The following YTHDF3 variants were observed in gnomAD, a reference collection of about 807,000 sequenced individuals.
The protein encoded by YTHDF3 is YTH domain-containing family protein 3.
In YTHDF3, 9 loss-of-function variants were observed where a neutral mutation model predicts 52.5. The observed-to-expected ratio is 0.17, with a 90% CI of 0.10 to 0.30. The LOEUF is 0.30. YTHDF3 is among the 10% of genes least tolerant of loss of function. The probability of loss-of-function intolerance (pLI) is 1.00; values close to 1 mark genes in which losing one functional copy is unlikely to be tolerated. For missense variants in YTHDF3, 534 were observed against 715.0 expected (o/e 0.75, Z 2.89); for synonymous variants, 274 against 243.3 (o/e 1.13, Z -1.18).
At position 63,168,675 on chromosome 8, in the gene YTHDF3, G is replaced by A; in HGVS notation, c.-203G>A. ...ACCCGAGAAGCAGAGAGCGAGAGGG[G>A]GAAGAGGAGCGTGCAAGCGGAAAAG... is the stretch of plus-strand genomic sequence containing the variant. On this transcript the variant is annotated 5_prime_UTR_variant, in exon 1 of 5. Coordinates refer to ENST00000539294, the MANE Select transcript of YTHDF3 (RefSeq NM_152758.6). The A allele has an allele frequency of 2.2e-6, 2 of 917,080 alleles. No homozygotes were observed. The highest frequency in any genetic ancestry group is 3.3e-6 in the Non-Finnish European group (2 of 604,416). 56.8% of individuals were successfully genotyped at this position (917,080 alleles called of 1,614,324 possible).
chr8:63,195,867 C>T (rs954279551), intron 4 of YTHDF3, among the ~76,000 whole-genome samples: 9 of 151,790 alleles, frequency 5.9e-5, no homozygotes, highest in Non-Finnish European at 1.2e-4. Context: ...GTGGTGTGAT[C>T]ATAAGTTCAC....
intron 1 of YTHDF3, 103 bp from the exon 2 acceptor site, chr8:63,169,284 G>A (rs998295478): frequency 2.8e-6 from 4 of 1,451,600 alleles, no homozygotes; most frequent in Non-Finnish European, 2.8e-6. Flanking sequence ...ACTCCTACGC[G>A]GATAGTCTAA....
chr8:63,204,274 A>G (rs1809837165), intron 4 of YTHDF3, among the ~76,000 whole-genome samples: 1 of 151,950 alleles, frequency 6.6e-6, no homozygotes, highest in Non-Finnish European at 1.5e-5. Context: ...CAAATGAGGC[A>G]GCGACCATTT....
chr8:63,189,756 C>G (rs950259344), intron 4 of YTHDF3, among the ~76,000 whole-genome samples: 1 of 152,156 alleles, frequency 6.6e-6, no homozygotes. Flanking sequence ...GATAAAGGAA[C>G]TTGCAGTGTA....
chr8:63,172,035 T>G (rs1807362524), intron 2 of YTHDF3, among the ~76,000 whole-genome samples: 1 of 152,222 alleles, frequency 6.6e-6, no homozygotes, highest in Admixed American at 6.5e-5. Context: ...GAATAAGTAA[T>G]AATTCAAGGT....
intron 2 of YTHDF3, among the ~76,000 whole-genome samples, chr8:63,173,065 T>G (rs1218837992): frequency 6.6e-6 from 1 of 151,958 alleles, no homozygotes; most frequent in Non-Finnish European, 1.5e-5. Context: ...TACTATATTT[T>G]AAGACTTTAT....
chr8:63,192,045 T>A (rs530086790), intron 4 of YTHDF3, among the ~76,000 whole-genome samples: 1 of 152,324 alleles, frequency 6.6e-6, no homozygotes, highest in South Asian at 2.1e-4. Context: ...GCTCTATGAA[T>A]TTTAACATAT....
rs1810353420 is a variant in YTHDF3, at chr8:63,211,209, C to T, written c.*1503C>T. Reference sequence around the variant, plus strand: ...TTGTACAATGTTTTTTTTAAATGTGCAAATACTGTATTCAAGTGAAAAAAA... The same window carrying T: ...TTGTACAATGTTTTTTTTAAATGTGTAAATACTGTATTCAAGTGAAAAAAA... On this transcript the variant is annotated 3_prime_UTR_variant, in exon 5 of 5. Coordinates refer to ENST00000539294, the MANE Select transcript of YTHDF3 (RefSeq NM_152758.6). 1 of 152,164 alleles carries T rather than the reference C, an allele frequency of 6.6e-6. No homozygotes were observed. The highest frequency in any genetic ancestry group is 2.4e-5 in the African/African-American group (1 of 41,316). The allele number at this position is 152,164 out of a possible 1,614,324, so 9.4% of individuals were successfully genotyped here.
At chr8:63,178,756 A>C (rs948455670) in intron 3 of YTHDF3, among the ~76,000 whole-genome samples, 1 of 152,224 alleles carries the variant, frequency 6.6e-6, no homozygotes, top group Non-Finnish European at 1.5e-5. Flanking sequence ...ATTATCTGGA[A>C]TCTTAAAGGT....
intron 4 of YTHDF3, among the ~76,000 whole-genome samples, chr8:63,208,180 G>A (rs1233751161): frequency 1.3e-5 from 2 of 152,054 alleles, no homozygotes; most frequent in Non-Finnish European, 2.9e-5. Flanking sequence ...TTCATTTATA[G>A]TTATGTAGTA....
In YTHDF3 at chr8:63,209,669, T is replaced by G. The variant is rs190487072; in HGVS notation, c.1735-14T>G. 3.6e-3 allele frequency: 5,456 copies of G among 1,519,978 alleles called. 13 individuals are homozygous for G. The highest frequency in any genetic ancestry group is 7.9e-3 in the Admixed American group (400 of 50,546). The allele number at this position is 1,519,978 out of a possible 1,614,324, so 94.2% of individuals were successfully genotyped here. A position where few individuals can be genotyped will look rare whatever the true frequency, so the allele number is the denominator to read the frequency against. On this transcript the variant is annotated splice_polypyrimidine_tract_variant and intron_variant, in intron 4 of 4. Transcript: ENST00000539294. ...TGTAATTCTTTTTGTGTGTGTGTGT[T>G]TTTTTTTTTTCAGGAGAGAAATAGA...
Position 63,186,851 on chromosome 8 carries a change from T to G in YTHDF3, c.840T>G (p.Asp280Glu), listed in dbSNP as rs973902131. ...IKHNMNIGTW[D>E]EKGSVVKAPP... ...ACAACATGAATATTGGAACTTGGGA[T>G]GAAAAAGGGTCAGTGGTAAAGGCTC... Residue 280 changes from aspartate (D) to glutamate (E), a missense_variant, in exon 4 of 5, where the codon GAT (aspartate) becomes GAG (glutamate). Coordinates refer to ENST00000539294, the MANE Select transcript of YTHDF3 (RefSeq NM_152758.6). The G allele has an allele frequency of 3.7e-6, 6 of 1,613,892 alleles. No individual in the cohort carries two copies. Among genetic ancestry groups the G allele is most frequent in the Non-Finnish European group, 5.1e-6 (6 of 1,179,876 alleles).
chr8:63,191,883 A>G (rs186007844), intron 4 of YTHDF3, among the ~76,000 whole-genome samples: 82 of 152,200 alleles, frequency 5.4e-4, no homozygotes, highest in African/African-American at 1.8e-3. Flanking sequence ...ATGGATGACC[A>G]TTGTGTCTAT....
At chr8:63,200,826 G>A (rs1809583558) in intron 4 of YTHDF3, among the ~76,000 whole-genome samples, 1 of 152,084 alleles carries the variant, frequency 6.6e-6, no homozygotes, top group African/African-American at 2.4e-5. Context: ...TTTAAGATGG[G>A]CCTTGAATGA....
At position 63,169,376 on chromosome 8, in the gene YTHDF3, T is replaced by G; in HGVS notation, c.25-11T>G. On this transcript the variant is annotated splice_polypyrimidine_tract_variant and intron_variant, in intron 1 of 4. Transcript: ENST00000539294. Reference sequence around the variant, plus strand: ...TCTCCTCTTTACCGCATCTTTCGTCTTGCAACACAGAGACCTAAAGGGCAA... The same window carrying G: ...TCTCCTCTTTACCGCATCTTTCGTCGTGCAACACAGAGACCTAAAGGGCAA... The G allele has an allele frequency of 6.2e-7, 1 of 1,601,362 alleles. No individual in the cohort carries two copies. The highest frequency in any genetic ancestry group is 8.5e-7 in the Non-Finnish European group (1 of 1,172,984).
At chr8:63,189,756 C>A (rs950259344) in intron 4 of YTHDF3, among the ~76,000 whole-genome samples, 1 of 152,156 alleles carries the variant, frequency 6.6e-6, no homozygotes, top group African/African-American at 2.4e-5. Flanking sequence ...GATAAAGGAA[C>A]TTGCAGTGTA....
intron 1 of YTHDF3, 149 bp downstream of exon 1, chr8:63,169,050 G>A: frequency 2.1e-6 from 3 of 1,425,512 alleles, no homozygotes; most frequent in Non-Finnish European, 2.7e-6. Context: ...TACCCGGGCC[G>A]GGGCGTGCGC....
intron 4 of YTHDF3, among the ~76,000 whole-genome samples, chr8:63,188,378 G>A (rs1182821137): frequency 6.6e-6 from 1 of 150,866 alleles, no homozygotes; most frequent in African/African-American, 2.4e-5. Flanking sequence ...CCCGGCAGGA[G>A]TGTACTGGCG....
chr8:63,169,045 G>A (rs1335540337), intron 1 of YTHDF3, 144 bp downstream of exon 1: 5 of 1,428,874 alleles, frequency 3.5e-6, no homozygotes, highest in Non-Finnish European at 4.5e-6. Context: ...GTAGCTACCC[G>A]GGCCGGGGCG....
Sources: allele counts gnomAD v4.1 joint callset (sites outside exome capture counted in the v4.1 genomes callset), GRCh38; gene constraint gnomAD v4.1.1; transcripts MANE v1.5; gene names NCBI Gene and HGNC (gene_info 2026-07-23, HGNC 2026-07-21).